The following ECPAS variants were observed in gnomAD, a reference collection of about 807,000 sequenced individuals.
ECPAS encodes the protein proteasome adapter and scaffold protein ECM29.
A neutral mutation model predicts 255.1 loss-of-function variants in ECPAS; 70 were observed. The ratio of observed to expected loss-of-function variants is 0.27; its 90% CI spans 0.23 to 0.33. The LOEUF (loss-of-function observed/expected upper bound fraction) is 0.33, where lower values mean the gene tolerates loss of function less well. Among genes scored for constraint, ECPAS ranks in the 10% least tolerant of loss-of-function variants. The pLI is 1.00. For synonymous variants in ECPAS, 784 were observed against 775.0 expected (o/e 1.01, Z -0.19); for missense variants, 1,817 against 2,206.4 (o/e 0.82, Z 3.54).
In ECPAS at chr9:111,412,152, A is replaced by C; in HGVS notation, c.2080-4T>G. 6.4e-7 allele frequency: 1 copy of C among 1,561,026 alleles called. No homozygotes were observed. The highest frequency in any genetic ancestry group is 1.2e-5 in the South Asian group (1 of 81,448). On this transcript the variant is annotated splice_polypyrimidine_tract_variant and splice_region_variant and intron_variant, in intron 20 of 49. Transcript: ENST00000684092. ...CTTTACTGTTATTCATCAGACTCTG[A>C]GCAGTATAAAAAAAAAACAAATATA...
At chr9:111,444,544 C>A (rs2098250252) in intron 3 of ECPAS, 50 bp from the exon 4 acceptor site, 1 of 1,215,596 alleles carries the variant, frequency 8.2e-7, no homozygotes, top group Non-Finnish European at 1.2e-6. Context: ...ATCTTAAAAA[C>A]CACTCATCTT....
At chr9:111,402,012 T>A (rs117381863) in intron 24 of ECPAS, among the ~76,000 whole-genome samples, 9,745 of 152,174 alleles carry the variant, frequency 0.064, 456 homozygotes, top group East Asian at 0.2. Flanking sequence ...CAGCTTACAA[T>A]GATGATGGGA....
intron 31 of ECPAS, among the ~76,000 whole-genome samples, chr9:111,388,622 T>C (rs2098154321): frequency 6.6e-6 from 1 of 152,010 alleles, no homozygotes; most frequent in African/African-American, 2.4e-5. Context: ...TTTTTAAAAA[T>C]TACTTTTGCT....
At chr9:111,464,155 G>C (rs2098276432) in intron 2 of ECPAS, among the ~76,000 whole-genome samples, 1 of 152,022 alleles carries the variant, frequency 6.6e-6, no homozygotes, top group Non-Finnish European at 1.5e-5. Flanking sequence ...CCCAGGGGCT[G>C]AGTGTGGTGG....
Position 111,372,547 on chromosome 9 carries a change from A to G in ECPAS, c.4410T>C (p.Asn1470=), listed in dbSNP as rs919368829. 1 of 1,613,680 alleles carries G rather than the reference A, an allele frequency of 6.2e-7. No homozygotes were observed. The highest frequency in any genetic ancestry group is 1.3e-5 in the African/African-American group (1 of 74,916). ...IGRYSPDVLK[N]HAKEVLPLAF... Reference sequence around the variant, plus strand: ...CCAGAGGCAGGACTTCTTTTGCATGATTCTTTAATACATCAGGGCTGTATC... The same window carrying G: ...CCAGAGGCAGGACTTCTTTTGCATGGTTCTTTAATACATCAGGGCTGTATC... The change falls in exon 42 of 50, where the codon AAT becomes AAC. Residue 1470 remains asparagine, a synonymous_variant. Transcript: ENST00000684092.
chr9:111,398,135 A>T (rs2098170320), intron 24 of ECPAS, among the ~76,000 whole-genome samples: 1 of 152,220 alleles, frequency 6.6e-6, no homozygotes, highest in Non-Finnish European at 1.5e-5. Flanking sequence ...ACAACAGCTG[A>T]GACTTTCCTA....
At chr9:111,392,674 A>G (rs1231067598) in intron 28 of ECPAS, 94 bp downstream of exon 28, 15 of 833,980 alleles carry the variant, frequency 1.8e-5, no homozygotes, top group Middle Eastern at 2.3e-4. Flanking sequence ...AAACCAAAAC[A>G]TGGAAAGCCG....
chr9:111,409,100 T>G (rs953938669), intron 23 of ECPAS, among the ~76,000 whole-genome samples: 2 of 152,192 alleles, frequency 1.3e-5, no homozygotes, highest in African/African-American at 4.8e-5. Context: ...CCTATTTCAC[T>G]AGACCTTTTA....
chr9:111,424,375 C>T (rs1589177776), intron 12 of ECPAS, among the ~76,000 whole-genome samples: 1 of 152,298 alleles, frequency 6.6e-6, no homozygotes, highest in East Asian at 1.9e-4. Context: ...TTAAGTAACT[C>T]ACCAAAGAAC....
chr9:111,482,291 C>CA (rs2098306882), intron 1 of ECPAS, among the ~76,000 whole-genome samples: 1 of 152,024 alleles, frequency 6.6e-6, no homozygotes, highest in African/African-American at 2.4e-5. Flanking sequence ...ACTTCAGCTT[C>CA]AAAAAAAGCA....
At chr9:111,382,378 C>T (rs1196266014) in intron 35 of ECPAS, among the ~76,000 whole-genome samples, 2 of 151,374 alleles carry the variant, frequency 1.3e-5, no homozygotes, top group Non-Finnish European at 2.9e-5. Context: ...GACTCTCCTG[C>T]CTCAGCCTCC....
At chr9:111,440,002 T>C (rs2098243605) in intron 6 of ECPAS, among the ~76,000 whole-genome samples, 1 of 151,830 alleles carries the variant, frequency 6.6e-6, no homozygotes, top group Non-Finnish European at 1.5e-5. Context: ...AAGAGAACCA[T>C]CATAGCATTA....
intron 35 of ECPAS, among the ~76,000 whole-genome samples, chr9:111,380,368 G>GT (rs999849468): frequency 6.6e-6 from 1 of 151,818 alleles, no homozygotes; most frequent in Non-Finnish European, 1.5e-5. Context: ...TTTTGTTTTT[G>GT]TTTTTTTAGC....
intron 37 of ECPAS, among the ~76,000 whole-genome samples, chr9:111,375,878 T>C (rs1463739349): frequency 6.6e-6 from 1 of 152,172 alleles, no homozygotes; most frequent in Non-Finnish European, 1.5e-5. Context: ...TTCAGAGTCC[T>C]GCTAAAGGTA....
At chr9:111,450,505 T>C (rs2098258983) in intron 3 of ECPAS, among the ~76,000 whole-genome samples, 1 of 152,218 alleles carries the variant, frequency 6.6e-6, no homozygotes, top group South Asian at 2.1e-4. Flanking sequence ...TGCCAATTAC[T>C]GTGGCCCAAG....
At position 111,384,279 on chromosome 9, in the gene ECPAS, GGTTAAGTCGAA is replaced by G. The variant is rs1240709134; in HGVS notation, c.3681+232_3681+242del. On this transcript the variant is annotated intron_variant, in intron 34 of 49. Coordinates refer to ENST00000684092, the MANE Select transcript of ECPAS (RefSeq NM_001364929.1). ...TTGATCTGAGTGATGTGCTCTTCAGGGTTAAGTCGAAGTTTTATCTTAATTTCACCATTTAA... is the reference window on the plus strand; with the variant it reads ...TTGATCTGAGTGATGTGCTCTTCAGGGTTTTATCTTAATTTCACCATTTAA... 3.3e-5 allele frequency among the ~76,000 whole-genome samples: 5 copies of G among 152,194 alleles called. No individual in the cohort carries two copies. The South Asian group carries it at 1.0e-3, about 32-fold the overall frequency.
chr9:111,417,082 A>T (rs1325955474), intron 17 of ECPAS, among the ~76,000 whole-genome samples: 1 of 152,228 alleles, frequency 6.6e-6, no homozygotes, highest in Middle Eastern at 3.4e-3. Context: ...TCTACAAAAA[A>T]TAAAAAAATT....
chr9:111,404,495 G>T (rs150902786), intron 24 of ECPAS, among the ~76,000 whole-genome samples: 9 of 148,956 alleles, frequency 6.0e-5, no homozygotes, highest in Middle Eastern at 3.4e-3. Context: ...GAGGCCTGGT[G>T]GGGGGGTGAC....
intron 2 of ECPAS, among the ~76,000 whole-genome samples, chr9:111,458,680 G>T (rs554406804): frequency 7.2e-5 from 11 of 152,026 alleles, no homozygotes; most frequent in Non-Finnish European, 1.6e-4. Flanking sequence ...AGTCACATGG[G>T]CAATGATCCA....
Sources: gnomAD v4.1 joint callset for allele counts (sites outside exome capture counted in the v4.1 genomes callset) on GRCh38, gnomAD v4.1.1 for gene constraint, MANE v1.5 for transcripts, NCBI Gene and HGNC (gene_info 2026-07-23, HGNC 2026-07-21) for gene names.